Variants in TEX36 observed in about 807,000 individuals in gnomAD.
TEX36 encodes testis expressed 36.
A neutral mutation model predicts 13.6 loss-of-function variants in TEX36; 12 were observed. That is an observed-to-expected ratio of 0.88 (90% confidence interval 0.56 to 1.43). The LOEUF (loss-of-function observed/expected upper bound fraction) is 1.43, where lower values mean the gene tolerates loss of function less well. Among genes scored for constraint, TEX36 ranks in the 40% most tolerant of loss-of-function variants. The pLI is 0.00. For synonymous variants in TEX36, 93 were observed against 83.0 expected, an observed-to-expected ratio of 1.12 and a Z score of -0.65; for missense variants, 224 against 228.3, an observed-to-expected ratio of 0.98 and a Z score of 0.12.
intron 3 of TEX36, among the ~76,000 whole-genome samples, chr10:125,604,342 T>C (rs1204469114): frequency 6.6e-6 from 1 of 152,180 alleles, no homozygotes; most frequent in Non-Finnish European, 1.5e-5. Context: ...ACAAACCCTA[T>C]TGTGAACTGT....
chr10:125,615,175 AT>A (rs1400839859), intron 3 of TEX36, among the ~76,000 whole-genome samples: 2 of 151,974 alleles, frequency 1.3e-5, no homozygotes, highest in African/African-American at 4.8e-5. Context: ...GCTTAAGGAG[AT>A]TTTGGGCTGA....
chr10:125,653,747 C>A (rs531452620), downstream of TEX36, among the ~76,000 whole-genome samples: 3 of 152,278 alleles, frequency 2.0e-5, no homozygotes, highest in Admixed American at 6.5e-5. Context: ...CTAATCCCAG[C>A]ACAGGAGGAC....
At chr10:125,612,025 G>A (rs1325734678) in intron 3 of TEX36, among the ~76,000 whole-genome samples, 1 of 151,620 alleles carries the variant, frequency 6.6e-6, no homozygotes, top group Non-Finnish European at 1.5e-5. Context: ...CGAGCCTCAT[G>A]AAGAGGGCAG....
At chr10:125,624,788 G>A (rs1259162719) in intron 3 of TEX36, among the ~76,000 whole-genome samples, 1 of 152,098 alleles carries the variant, frequency 6.6e-6, no homozygotes, top group African/African-American at 2.4e-5. Flanking sequence ...TTTGTGAGAG[G>A]GGGCTCGGGG....
downstream of TEX36, among the ~76,000 whole-genome samples, chr10:125,650,780 A>C (rs1846839949): frequency 6.6e-6 from 1 of 152,184 alleles, no homozygotes; most frequent in Non-Finnish European, 1.5e-5. Context: ...GAAAAGAAGA[A>C]TCAAATAGAT....
chr10:125,675,769 C>A (rs1847301421), intron 1 of TEX36, among the ~76,000 whole-genome samples: 2 of 152,190 alleles, frequency 1.3e-5, no homozygotes, highest in South Asian at 4.1e-4. Context: ...GTGCAGGATT[C>A]ACTCACCATT....
intron 3 of TEX36, among the ~76,000 whole-genome samples, chr10:125,659,103 A>G (rs1846989962): frequency 6.6e-6 from 1 of 152,184 alleles, no homozygotes. Flanking sequence ...TCAAGAAAGA[A>G]AGAAAAAGTC....
chr10:125,599,219 C>T (rs751336667), intron 3 of TEX36, among the ~76,000 whole-genome samples: 7 of 152,176 alleles, frequency 4.6e-5, no homozygotes, highest in East Asian at 3.9e-4. Context: ...CATCCACTAA[C>T]GGTTTGTGGA....
rs185782888 is a variant in TEX36, at chr10:125,644,037, C to T, written c.264+16984G>A. ...ATAGACACAACAATACCCAAGGAAG[C>T]CAAGTGGGTGGAGAAAAATAACAAG... On this transcript the variant is annotated intron_variant, in intron 3 of 3. Coordinates refer to the TEX36 transcript ENST00000526819. Among the ~76,000 whole-genome samples, 405 of 152,280 alleles carry T rather than the reference C, an allele frequency of 2.7e-3. 2 individuals carry two copies. The highest frequency in any genetic ancestry group is 4.6e-3 in the Non-Finnish European group (314 of 68,020).
At chr10:125,667,814 G>T (rs1244567132) in intron 1 of TEX36, 2 of 1,220,874 alleles carry the variant, frequency 1.6e-6, no homozygotes, top group Non-Finnish European at 2.4e-6. Context: ...GGCGTTAAGG[G>T]ACTGCAGCCG....
chr10:125,663,490 G>A (rs1175906464), intron 1 of TEX36, among the ~76,000 whole-genome samples: 2 of 152,198 alleles, frequency 1.3e-5, no homozygotes, highest in East Asian at 1.9e-4. Context: ...TTCCATAGTG[G>A]CTCTACTAGT....
downstream of TEX36, among the ~76,000 whole-genome samples, chr10:125,653,786 C>G (rs1565184967): frequency 6.6e-6 from 1 of 152,138 alleles, no homozygotes; most frequent in Non-Finnish European, 1.5e-5. Context: ...CAAGACCAGC[C>G]TGGGCAACAT....
At chr10:125,576,739 C>T (rs1431364910) in exon 4 of TEX36, 2 of 1,534,570 alleles carry the variant, frequency 1.3e-6, no homozygotes, top group Non-Finnish European at 1.7e-6. Flanking sequence ...GAAACTTGCT[C>T]CCAAAGAGCT....
chr10:125,677,046 G>T (rs1847323968), intron 1 of TEX36, among the ~76,000 whole-genome samples: 1 of 152,218 alleles, frequency 6.6e-6, no homozygotes, highest in African/African-American at 2.4e-5. Flanking sequence ...TGACCTGTAA[G>T]GTTTCTGCTG....
chr10:125,613,672 G>A (rs369034402), intron 3 of TEX36, among the ~76,000 whole-genome samples: 1 of 151,828 alleles, frequency 6.6e-6, no homozygotes, highest in African/African-American at 2.4e-5. Flanking sequence ...TCTTAATCCA[G>A]TCTATCATTG....
chr10:125,621,615 A>T (rs1200125036), exon 4 of TEX36: 1 of 456,094 alleles, frequency 2.2e-6, no homozygotes, highest in East Asian at 6.9e-5. Context: ...CATGATCACA[A>T]AGAGAAGTCC....
intron 3 of TEX36, among the ~76,000 whole-genome samples, chr10:125,635,255 T>G (rs903155791): frequency 6.6e-6 from 1 of 152,170 alleles, no homozygotes; most frequent in Non-Finnish European, 1.5e-5. Flanking sequence ...CATTAGCCAT[T>G]GGAATCTTCT....
downstream of TEX36, among the ~76,000 whole-genome samples, chr10:125,618,942 T>TAAAAAAAAAAAAAAAAAAA (rs11452140): frequency 2.5e-4 from 11 of 43,584 alleles, no homozygotes; most frequent in African/African-American, 9.9e-4. Flanking sequence ...CCGTCTCTAC[T>TAAAAAAAAAAAAAAAAAAA]AAAAAAAAAA....
chr10:125,667,574 TG>T, intron 1 of TEX36: 1 of 737,352 alleles, frequency 1.4e-6, no homozygotes, highest in Non-Finnish European at 2.6e-6. Context: ...ATACAACCCT[TG>T]GGTGGTGGTC....
Sources: allele counts gnomAD v4.1 joint callset (sites outside exome capture counted in the v4.1 genomes callset), GRCh38; gene constraint gnomAD v4.1.1; transcripts MANE v1.5; gene names NCBI Gene and HGNC (gene_info 2026-07-23, HGNC 2026-07-21).